Variants in ARL6IP6 observed in about 807,000 individuals in gnomAD.
The protein encoded by ARL6IP6 is ADP-ribosylation factor-like protein 6-interacting protein 6.
Under a neutral mutation model 21.5 loss-of-function variants are expected in ARL6IP6, and 22 were observed. The observed-to-expected ratio is 1.02, with a 90% confidence interval of 0.73 to 1.46. The LOEUF is 1.46. Ranked by LOEUF, ARL6IP6 falls within the 40% of genes most tolerant of loss-of-function variation. ARL6IP6 has a pLI of 0.00. For synonymous variants in ARL6IP6, 164 were observed against 125.3 expected, an observed-to-expected ratio of 1.31 and a Z score of -2.06; for missense variants, 388 against 299.8, an observed-to-expected ratio of 1.29 and a Z score of -2.17.
At chr2:152,718,133 C>G, upstream of ARL6IP6, 1 of 884,610 alleles carries the variant, frequency 1.1e-6, no homozygotes, top group Non-Finnish European at 1.4e-6. Flanking sequence ...GAGAGGTGCC[C>G]TTAATGGGGG....
chr2:152,734,888 A>G, intron 2 of ARL6IP6, 106 bp from the exon 3 acceptor site: 1 of 1,176,488 alleles, frequency 8.5e-7, no homozygotes, highest in Non-Finnish European at 1.2e-6. Flanking sequence ...GATCCATATA[A>G]TTTAGAAGAT....
chr2:152,733,626 A>G (rs1478554922), intron 2 of ARL6IP6, among the ~76,000 whole-genome samples: 1 of 152,098 alleles, frequency 6.6e-6, no homozygotes, highest in African/African-American at 2.4e-5. Context: ...CTATTTCAAT[A>G]TTTGGTTGGA....
chr2:152,718,412 C>T (rs1341889434), upstream of ARL6IP6: 3 of 593,918 alleles, frequency 5.1e-6, no homozygotes, highest in South Asian at 4.6e-5. Context: ...CCGGCTACAG[C>T]CCTGGGGTCG....
intron 3 of ARL6IP6, among the ~76,000 whole-genome samples, chr2:152,757,644 A>G (rs1034474119): frequency 6.6e-6 from 1 of 152,204 alleles, no homozygotes; most frequent in Non-Finnish European, 1.5e-5. Flanking sequence ...TCCTCCAAAG[A>G]GGAAAATCAT....
At chr2:152,741,918 T>A (rs137940209) in intron 3 of ARL6IP6, among the ~76,000 whole-genome samples, 40 of 152,336 alleles carry the variant, frequency 2.6e-4, no homozygotes, top group African/African-American at 9.6e-4. Flanking sequence ...AAAGTCTTGT[T>A]TTGGTTGTTA....
Position 152,762,322 on chromosome 2 carries a change from C to T in ARL6IP6, c.*2482C>T, listed in dbSNP as rs576888132. On this transcript the variant is annotated 3_prime_UTR_variant, in exon 4 of 4. Transcript: ENST00000326446. ...ATTGCTAATGGCGTTACCCTGGTCC[C>T]TGAAGCCCAGTGGCAATCCTGCCAT... Among the ~76,000 whole-genome samples the T allele has an allele frequency of 2.6e-5, 4 of 152,320 alleles. No homozygotes were observed. The East Asian group carries it at 7.7e-4, about 29-fold the overall frequency.
upstream of ARL6IP6, chr2:152,717,709 G>A (rs1053740857): frequency 2.0e-5 from 27 of 1,379,678 alleles, no homozygotes; most frequent in Admixed American, 9.1e-5. Flanking sequence ...ACTTCCCCAG[G>A]GGAAGGGAAG....
At chr2:152,717,687 A>G, upstream of ARL6IP6, 3 of 1,406,338 alleles carry the variant, frequency 2.1e-6, no homozygotes, top group East Asian at 2.6e-5. Flanking sequence ...CTCCGTCGGG[A>G]AAACTCTACC....
At chr2:152,721,316 G>A (rs1699780175) in intron 2 of ARL6IP6, among the ~76,000 whole-genome samples, 1 of 151,730 alleles carries the variant, frequency 6.6e-6, no homozygotes, top group Non-Finnish European at 1.5e-5. Context: ...GTAGGCTTCA[G>A]GAGGAATTTA....
intron 3 of ARL6IP6, among the ~76,000 whole-genome samples, chr2:152,746,511 G>C (rs985100425): frequency 6.6e-6 from 1 of 152,122 alleles, no homozygotes; most frequent in African/African-American, 2.4e-5. Context: ...TAATTAAAAA[G>C]GGTCTTGAAG....
intron 2 of ARL6IP6, among the ~76,000 whole-genome samples, chr2:152,733,184 C>T (rs1057280404): frequency 4.6e-5 from 7 of 152,074 alleles, no homozygotes; most frequent in Admixed American, 1.3e-4. Flanking sequence ...TGTAAGTGGT[C>T]ACCCCATTGA....
intron 2 of ARL6IP6, among the ~76,000 whole-genome samples, chr2:152,727,280 G>A (rs1440221318): frequency 6.6e-6 from 1 of 152,192 alleles, no homozygotes; most frequent in South Asian, 2.1e-4. Flanking sequence ...AGCTTATAGA[G>A]TAATGGTATA....
chr2:152,751,249 A>G (rs558740068), intron 3 of ARL6IP6, among the ~76,000 whole-genome samples: 3 of 152,306 alleles, frequency 2.0e-5, no homozygotes, highest in East Asian at 3.9e-4. Context: ...CATTAGTGGA[A>G]TACAGAATGA....
chr2:152,753,658 A>G (rs547949604), intron 3 of ARL6IP6, among the ~76,000 whole-genome samples: 2 of 149,564 alleles, frequency 1.3e-5, no homozygotes, highest in Admixed American at 1.3e-4. Context: ...AATGCTGAGT[A>G]TTCCCAGGTT....
intron 2 of ARL6IP6, among the ~76,000 whole-genome samples, chr2:152,724,404 GTTA>G (rs1699939698): frequency 1.3e-5 from 2 of 152,068 alleles, no homozygotes; most frequent in Non-Finnish European, 2.9e-5. Flanking sequence ...ATCCATCAAT[GTTA>G]TTTTCTTCTA....
chr2:152,718,824 C>T lies in ARL6IP6; in HGVS notation c.200C>T (p.Pro67Leu), dbSNP rs199999697. 1.9e-5 allele frequency: 30 copies of T among 1,609,604 alleles called. No individual in the cohort carries two copies. The African/African-American group carries it at 4.0e-4, about 21-fold the overall frequency. Reference protein sequence around the residue: ...AEFSAGAWSEPRKRSVLPPDG... With the variant: ...AEFSAGAWSELRKRSVLPPDG... ...TTCTCGGCTGGGGCGTGGTCAGAGC[C>T]CAGAAAGCGCTCGGTGCTCCCGCCG... Residue 67 changes from proline to leucine, a missense_variant, in exon 1 of 4, where the codon CCC (proline) becomes CTC (leucine). Pro to Leu is a moderately conservative substitution (Grantham distance 98). Transcript: ENST00000326446.
chr2:152,738,273 G>C (rs1574042454), intron 3 of ARL6IP6, among the ~76,000 whole-genome samples: 1 of 152,230 alleles, frequency 6.6e-6, no homozygotes, highest in East Asian at 1.9e-4. Flanking sequence ...GCTTTCACAG[G>C]CTGGCATTGA....
chr2:152,726,158 A>G (rs1051870319), intron 2 of ARL6IP6, among the ~76,000 whole-genome samples: 1 of 151,716 alleles, frequency 6.6e-6, no homozygotes, highest in African/African-American at 2.4e-5. Flanking sequence ...TTTTTTTTTA[A>G]TTTTCCCATG....
chr2:152,747,825 C>A (rs1459390206), intron 3 of ARL6IP6, among the ~76,000 whole-genome samples: 1 of 152,058 alleles, frequency 6.6e-6, no homozygotes, highest in African/African-American at 2.4e-5. Context: ...CCCGCCTTGG[C>A]CTCCCAAAGT....
Sources: allele counts gnomAD v4.1 joint callset (sites outside exome capture counted in the v4.1 genomes callset), GRCh38; gene constraint gnomAD v4.1.1; transcripts MANE v1.5; gene names NCBI Gene and HGNC (gene_info 2026-07-23, HGNC 2026-07-21).